Variants in VPS4A observed in about 807,000 individuals in gnomAD.
VPS4A encodes vacuolar protein sorting-associated protein 4A.
Under a neutral mutation model 52.3 loss-of-function variants are expected in VPS4A, and 20 were observed. The observed-to-expected ratio is 0.38, with a 90% confidence interval of 0.27 to 0.56. The LOEUF is 0.56. Among genes scored for constraint, VPS4A ranks in the 20% least tolerant of loss-of-function variants. The probability of loss-of-function intolerance (pLI) is 0.72; values close to 1 mark genes in which losing one functional copy is unlikely to be tolerated. For missense variants in VPS4A, 419 were observed against 575.9 expected, an observed-to-expected ratio of 0.73 and a Z score of 2.79; for synonymous variants, 293 against 227.7, an observed-to-expected ratio of 1.29 and a Z score of -2.58.
intron 1 of VPS4A, among the ~76,000 whole-genome samples, chr16:69,315,005 G>GGGT (rs1174632416): frequency 6.6e-6 from 1 of 152,088 alleles, no homozygotes; most frequent in Non-Finnish European, 1.5e-5. Context: ...AAGCCAAGGC[G>GGGT]GGTGGATCAC....
At chr16:69,317,251 G>GCAA (rs397843471) in intron 3 of VPS4A, among the ~76,000 whole-genome samples, 1 of 151,972 alleles carries the variant, frequency 6.6e-6, no homozygotes, top group Non-Finnish European at 1.5e-5. Flanking sequence ...TGGGGTGACA[G>GCAA]TGGCTGCGTT....
rs1681447772 is a variant in VPS4A at position 69,326,473 on chromosome 16, G to C, written c.*2164G>C. 1 of 152,218 alleles carries C rather than the reference G, an allele frequency of 6.6e-6. No individual in the cohort carries two copies. The highest frequency in any genetic ancestry group is 2.1e-4 in the South Asian group (1 of 4,832). The allele number at this position is 152,218 out of a possible 1,614,324, so 9.4% of individuals were successfully genotyped here. On this transcript the variant is annotated 3_prime_UTR_variant, in exon 11 of 11. Coordinates refer to ENST00000254950, the MANE Select transcript of VPS4A (RefSeq NM_013245.3). ...TTTTTACTTCTAGTTACATTTACTT[G>C]AATCAGAACGTTGTTTCCTCATTCC... is the stretch of plus-strand genomic sequence containing the variant.
At chr16:69,313,624 T>C (rs1965402796) in intron 1 of VPS4A, among the ~76,000 whole-genome samples, 1 of 152,206 alleles carries the variant, frequency 6.6e-6, no homozygotes, top group African/African-American at 2.4e-5. Context: ...TCCTATGAAA[T>C]TCACATTTCA....
At position 69,314,668 on chromosome 16, in the gene VPS4A, C is replaced by T. The variant is rs1355135527; in HGVS notation, c.22-1340C>T. 5.9e-5 allele frequency among the ~76,000 whole-genome samples: 9 copies of T among 152,320 alleles called. No homozygotes were observed. In the East Asian group the frequency reaches 1.7e-3, roughly 29 times the overall value. Reference sequence around the variant, plus strand: ...TGAGTTCATTTCACATCAGCCTGGCCCAGCCTCCCCTGGCCTGTCTGTTTT... The same window carrying T: ...TGAGTTCATTTCACATCAGCCTGGCTCAGCCTCCCCTGGCCTGTCTGTTTT... On this transcript the variant is annotated intron_variant, in intron 1 of 10. Transcript: ENST00000254950.
At chr16:69,315,846 C>T (rs886157462) in intron 1 of VPS4A, among the ~76,000 whole-genome samples, 162 bp from the exon 2 acceptor site, 3 of 152,166 alleles carry the variant, frequency 2.0e-5, no homozygotes, top group Admixed American at 1.3e-4. Context: ...CTTTGAAGGC[C>T]TTTCTAGCCG....
chr16:69,315,465 C>A (rs1340270450), intron 1 of VPS4A, among the ~76,000 whole-genome samples: 1 of 152,184 alleles, frequency 6.6e-6, no homozygotes, highest in Admixed American at 6.5e-5. Context: ...CTCTCTGCAG[C>A]CTGGAGAAGC....
rs1420999003 is a variant in VPS4A at position 69,321,067 on chromosome 16, T to C, written c.868T>C (p.Tyr290His). The change falls in exon 9 of 11, where the codon TAT becomes CAT. Residue 290 changes from tyrosine (Y) to histidine (H), a missense_variant. By Grantham distance (83) the Tyr-to-His change is moderately conservative. Coordinates refer to ENST00000254950, the MANE Select transcript of VPS4A (RefSeq NM_013245.3). The surrounding 1 kb of genome is among the most constrained non-coding windows in gnomAD (Gnocchi z 4.5). ...AIRRRFEKRI[Y>H]IPLPEEAARA... ...GCTCTCTAGGTTTGAAAAACGAATTTATATCCCCTTGCCGGAGGAAGCTGC... is the reference window on the plus strand; with the variant it reads ...GCTCTCTAGGTTTGAAAAACGAATTCATATCCCCTTGCCGGAGGAAGCTGC... 1.3e-6 allele frequency: 2 copies of C among 1,588,248 alleles called. No individual in the cohort carries two copies. Among genetic ancestry groups the C allele is most frequent in the Non-Finnish European group, 1.7e-6 (2 of 1,167,102 alleles).
intron 5 of VPS4A, 46 bp from the exon 6 acceptor site, chr16:69,319,341 C>T (rs1965481597): frequency 6.2e-7 from 1 of 1,607,192 alleles, no homozygotes; most frequent in African/African-American, 1.3e-5. Flanking sequence ...TTTTCCTATT[C>T]CTTTCCCCAG....
At position 69,325,316 on chromosome 16, in the gene VPS4A, G is replaced by A. The variant is rs1965575266; in HGVS notation, c.*1007G>A. 2 of 152,244 alleles carry A rather than the reference G, an allele frequency of 1.3e-5. No homozygotes were observed. Among genetic ancestry groups the A allele is most frequent in the Admixed American group, 1.3e-4 (2 of 15,276 alleles). The allele number at this position is 152,244 out of a possible 1,614,324, so 9.4% of individuals were successfully genotyped here. Reference sequence around the variant, plus strand: ...TCAGAGACTGCAAAGTGGGAGCCCTGCGTACCAGACCCGTCCTGCAGCTGT... The same window carrying A: ...TCAGAGACTGCAAAGTGGGAGCCCTACGTACCAGACCCGTCCTGCAGCTGT... On this transcript the variant is annotated 3_prime_UTR_variant, in exon 11 of 11. Coordinates refer to ENST00000254950, the MANE Select transcript of VPS4A (RefSeq NM_013245.3).
At chr16:69,319,362 T>A in intron 5 of VPS4A, 25 bp from the exon 6 acceptor site, 1 of 1,612,756 alleles carries the variant, frequency 6.2e-7, no homozygotes, top group Non-Finnish European at 8.5e-7. Flanking sequence ...TCAGGAGGCC[T>A]AACTTCTGTG....
At chr16:69,317,557 GC>G (rs1178706261) in intron 3 of VPS4A, among the ~76,000 whole-genome samples, 1 of 152,204 alleles carries the variant, frequency 6.6e-6, no homozygotes, top group Admixed American at 6.5e-5. Context: ...ACTTTGGGAA[GC>G]CGAGGCGGGC....
Position 69,321,122 on chromosome 16 carries a change from G to C in VPS4A, c.923G>C (p.Gly308Ala). 1 of 1,594,962 alleles carries C rather than the reference G, an allele frequency of 6.3e-7. No individual in the cohort carries two copies. The highest frequency in any genetic ancestry group is 8.5e-7 in the Non-Finnish European group (1 of 1,171,002). ...GCCCAGATGTTCCGGTTGCATCTCGGGAGCACTCCCCACAACCTCACGGAT... is the reference window on the plus strand; with the variant it reads ...GCCCAGATGTTCCGGTTGCATCTCGCGAGCACTCCCCACAACCTCACGGAT... Reference protein sequence around the residue: ...ARAQMFRLHLGSTPHNLTDAN... With the variant: ...ARAQMFRLHLASTPHNLTDAN... The change falls in exon 9 of 11, where the codon GGG becomes GCG. Residue 308 changes from glycine to alanine, a missense_variant. Gly to Ala is a moderately conservative substitution (Grantham distance 60). Coordinates refer to ENST00000254950, the MANE Select transcript of VPS4A (RefSeq NM_013245.3). This position sits in a 1 kb window ranked among gnomAD's most constrained non-coding sequence, Gnocchi z 4.5.
At chr16:69,319,709 A>T (rs1163264722) in intron 6 of VPS4A, among the ~76,000 whole-genome samples, 166 bp downstream of exon 6, 1 of 152,192 alleles carries the variant, frequency 6.6e-6, no homozygotes, top group East Asian at 1.9e-4. Context: ...CCCAACAAAG[A>T]CAAGTGAAGG....
intron 6 of VPS4A, among the ~76,000 whole-genome samples, chr16:69,319,865 G>A (rs1965489012): frequency 6.6e-6 from 1 of 152,206 alleles, no homozygotes; most frequent in African/African-American, 2.4e-5. Context: ...CGTGTGATGA[G>A]ACGGGCTCGG....
chr16:69,324,402 C>A lies in VPS4A; in HGVS notation c.*93C>A. The A allele has an allele frequency of 7.5e-7, 1 of 1,333,290 alleles. No individual in the cohort carries two copies. The highest frequency in any genetic ancestry group is 1.1e-6 in the Non-Finnish European group (1 of 949,636). The allele number at this position is 1,333,290 out of a possible 1,614,324, so 82.6% of individuals were successfully genotyped here. ...TCAACAGCCAGACAGGGCTCCAGGG[C>A]TTGTCCCAGTCAATACAGAGTTCCC... is the stretch of plus-strand genomic sequence containing the variant. On this transcript the variant is annotated 3_prime_UTR_variant, in exon 11 of 11. Transcript: ENST00000254950.
rs1303789305 is a variant in VPS4A, at chr16:69,321,336, T to C, written c.1071+66T>C. The C allele has an allele frequency of 2.1e-5, 32 of 1,497,628 alleles. No individual in the cohort carries two copies. The highest frequency in any genetic ancestry group is 2.3e-4 in the Middle Eastern group (1 of 4,444). The allele number at this position is 1,497,628 out of a possible 1,614,324, so 92.8% of individuals were successfully genotyped here. The stretch of plus-strand genomic sequence containing the variant: ...AGAGCGGGATGTTCGGTTTTTTTTT[T>C]CCCAGCTCCTGGTCCTGCTCCCCGG... On this transcript the variant is annotated intron_variant, in intron 9 of 10. Coordinates refer to ENST00000254950, the MANE Select transcript of VPS4A (RefSeq NM_013245.3). This position sits in a 1 kb window ranked among gnomAD's most constrained non-coding sequence, Gnocchi z 4.5.
chr16:69,315,180 T>C (rs543759688), intron 1 of VPS4A, among the ~76,000 whole-genome samples: 16 of 152,114 alleles, frequency 1.1e-4, no homozygotes, highest in African/African-American at 1.9e-4. Context: ...GCCTAGATGA[T>C]AGAGTAAGAC....
intron 1 of VPS4A, among the ~76,000 whole-genome samples, chr16:69,315,265 G>A (rs1014464643): frequency 1.1e-4 from 17 of 152,320 alleles, no homozygotes; most frequent in South Asian, 6.2e-4. Context: ...CTGGCCTACA[G>A]GATTTATGAG....
At chr16:69,317,953 CAAAAAAA>C (rs35907075) in intron 3 of VPS4A, among the ~76,000 whole-genome samples, 5 of 46,046 alleles carry the variant, frequency 1.1e-4, no homozygotes, top group East Asian at 6.9e-4. Context: ...GGCACCATCT[CAAAAAAA>C]AAAAAAAAAA....
Sources: gnomAD v4.1 joint callset for allele counts (sites outside exome capture counted in the v4.1 genomes callset) on GRCh38, gnomAD v4.1.1 for gene constraint, Gnocchi (gnomAD v3.1) non-coding constraint, MANE v1.5 for transcripts, NCBI Gene and HGNC (gene_info 2026-07-23, HGNC 2026-07-21) for gene names.